The following SLC2A9 variants were observed in gnomAD, a reference collection of about 807,000 sequenced individuals.
The protein encoded by SLC2A9 is solute carrier family 2, facilitated glucose transporter member 9.
SLC2A9 carries 39 observed loss-of-function variants against 50.6 expected under a neutral mutation model. That is an observed-to-expected ratio of 0.77 (90% CI 0.60 to 1.01). The LOEUF (loss-of-function observed/expected upper bound fraction) is 1.01, where lower values mean the gene tolerates loss of function less well. Among genes scored for constraint, SLC2A9 ranks in the 50% least tolerant of loss-of-function variants. The probability of loss-of-function intolerance (pLI) is 0.00; values close to 1 mark genes in which losing one functional copy is unlikely to be tolerated. For synonymous variants in SLC2A9, 324 were observed against 276.9 expected (o/e 1.17, Z -1.69); for missense variants, 686 against 677.6 (o/e 1.01, Z -0.14).
intron 5 of SLC2A9, among the ~76,000 whole-genome samples, chr4:9,960,839 G>A (rs573138969): frequency 6.6e-6 from 1 of 152,218 alleles, no homozygotes; most frequent in South Asian, 2.1e-4. Context: ...TGGCACTAGA[G>A]GATAGAATGG....
At chr4:10,024,655 C>T (rs978565575), upstream of SLC2A9, among the ~76,000 whole-genome samples, 9 of 152,204 alleles carry the variant, frequency 5.9e-5, no homozygotes, top group Non-Finnish European at 2.9e-5. Flanking sequence ...CCACAGTGTC[C>T]TAAGCCTCTT....
In SLC2A9 at chr4:9,980,680, C is replaced by T. The variant is rs756988113; in HGVS notation, c.593G>A (p.Arg198His). 21 of 1,614,028 alleles carry T rather than the reference C, an allele frequency of 1.3e-5. No homozygotes were observed. Among genetic ancestry groups the T allele is most frequent in the East Asian group, 2.2e-5 (1 of 44,868 alleles). The change falls in exon 5 of 12, where the codon CGT becomes CAT. Residue 198 changes from arginine (R) to histidine (H), a missense_variant. Transcript: ENST00000264784. Reference sequence around the variant, plus strand: ...GGCAGTCACCTGCCCCAGAGAGCCACGGATCTCCTTGGGTGAGATCTCACT... The same window carrying T: ...GGCAGTCACCTGCCCCAGAGAGCCATGGATCTCCTTGGGTGAGATCTCACT... ...YLSEISPKEIRGSLGQVTAIF... is the reference protein window; with the variant it reads ...YLSEISPKEIHGSLGQVTAIF...
chr4:10,038,862 C>G (rs542300213), intron 1 of SLC2A9, among the ~76,000 whole-genome samples: 15 of 152,258 alleles, frequency 9.9e-5, no homozygotes, highest in African/African-American at 3.4e-4. Flanking sequence ...CTCATTCACA[C>G]AAAACAGAGA....
chr4:9,809,768 C>T (rs569974793), intron 3 of SLC2A9, among the ~76,000 whole-genome samples: 20 of 152,172 alleles, frequency 1.3e-4, no homozygotes, highest in East Asian at 5.8e-4. Context: ...GAATAAATTA[C>T]GGATATTGCT....
intron 6 of SLC2A9, among the ~76,000 whole-genome samples, chr4:9,928,992 G>A (rs1745405007): frequency 1.3e-5 from 2 of 152,192 alleles, no homozygotes; most frequent in Non-Finnish European, 2.9e-5. Context: ...CATTCCTGAT[G>A]GACGGGATTA....
rs768958041 is a variant in SLC2A9, at chr4:9,828,851, G to A, written c.1420-2251C>T. Reference sequence around the variant, plus strand: ...TCTCCCTACCAAGAGGTAACTATCTGAAGGCAGGAGTCATCATTTTTCTTG... The same window carrying A: ...TCTCCCTACCAAGAGGTAACTATCTAAAGGCAGGAGTCATCATTTTTCTTG... On this transcript the variant is annotated intron_variant, in intron 11 of 11. Coordinates refer to ENST00000264784, the MANE Select transcript of SLC2A9 (RefSeq NM_020041.3). 1.4e-4 allele frequency among the ~76,000 whole-genome samples: 22 copies of A among 152,306 alleles called. No individual in the cohort carries two copies. The East Asian group carries it at 1.9e-3, about 13-fold the overall frequency.
intron 10 of SLC2A9, among the ~76,000 whole-genome samples, chr4:9,838,660 T>C (rs1361362377): frequency 6.6e-6 from 1 of 152,208 alleles, no homozygotes; most frequent in South Asian, 2.1e-4. Flanking sequence ...AACACATATA[T>C]AGACCAATGG....
At chr4:9,842,937 G>C (rs1728321506) in intron 10 of SLC2A9, among the ~76,000 whole-genome samples, 1 of 152,088 alleles carries the variant, frequency 6.6e-6, no homozygotes, top group Non-Finnish European at 1.5e-5. Flanking sequence ...AGGTGGATAA[G>C]GGCTATGTTA....
At chr4:10,022,881 T>C (rs1763601448), upstream of SLC2A9, among the ~76,000 whole-genome samples, 1 of 151,894 alleles carries the variant, frequency 6.6e-6, no homozygotes, top group Non-Finnish European at 1.5e-5. Flanking sequence ...AGGAGTTAGG[T>C]TGGGGATGTA....
chr4:9,856,512 T>C (rs2109353322), intron 10 of SLC2A9, among the ~76,000 whole-genome samples: 1 of 152,308 alleles, frequency 6.6e-6, no homozygotes, highest in Non-Finnish European at 1.5e-5. Context: ...TATATACTGT[T>C]GGTGGGAATG....
intron 1 of SLC2A9, among the ~76,000 whole-genome samples, chr4:10,026,803 G>A (rs559705901): frequency 6.6e-5 from 10 of 152,290 alleles, no homozygotes; most frequent in African/African-American, 2.4e-4. Flanking sequence ...CAGCACGTGG[G>A]GAGGCCGAGG....
chr4:9,932,868 A>C (rs1181876331), intron 6 of SLC2A9, among the ~76,000 whole-genome samples: 1 of 152,232 alleles, frequency 6.6e-6, no homozygotes, highest in Non-Finnish European at 1.5e-5. Context: ...GTTAGATTCC[A>C]GCAGTGAGAG....
At chr4:9,792,504 G>A (rs1219864389) in intron 3 of SLC2A9, among the ~76,000 whole-genome samples, 1 of 152,016 alleles carries the variant, frequency 6.6e-6, no homozygotes, top group Admixed American at 6.6e-5. Flanking sequence ...TTCTCTGTTC[G>A]TAAAGTCAGC....
chr4:9,996,682 G>T, intron 3 of SLC2A9, 99 bp downstream of exon 3: 3 of 1,422,136 alleles, frequency 2.1e-6, no homozygotes, highest in Non-Finnish European at 2.9e-6. Flanking sequence ...CAGTTGAACT[G>T]CCTGAGTGGA....
chr4:10,001,571 C>T (rs552733546), intron 2 of SLC2A9, among the ~76,000 whole-genome samples: 2 of 152,312 alleles, frequency 1.3e-5, no homozygotes, highest in South Asian at 4.1e-4. Context: ...AATATATTGC[C>T]TAGCTTCCAA....
chr4:9,870,761 G>A (rs1240243246), intron 10 of SLC2A9, among the ~76,000 whole-genome samples: 1 of 152,202 alleles, frequency 6.6e-6, no homozygotes, highest in Non-Finnish European at 1.5e-5. Context: ...AATCCTGGCT[G>A]GGCCACCTAA....
intron 10 of SLC2A9, among the ~76,000 whole-genome samples, chr4:9,866,940 T>C (rs1041940398): frequency 1.3e-5 from 2 of 152,168 alleles, no homozygotes; most frequent in African/African-American, 2.4e-5. Context: ...GGGAAAATCA[T>C]CTTTTGTTCT....
chr4:9,940,114 AG>A (rs1470175088), intron 6 of SLC2A9, among the ~76,000 whole-genome samples: 2 of 152,204 alleles, frequency 1.3e-5, no homozygotes. Flanking sequence ...AGAGAGCCAG[AG>A]GGGGTGCGGG....
rs931246239 is a variant in SLC2A9, at chr4:9,879,081, A to T, written c.1291+8486T>A. On this transcript the variant is annotated intron_variant, in intron 10 of 11. Transcript: ENST00000264784. ...ACTGTCAGGCTGTGTGTTTGGATAC[A>T]GGTGATAGAAACAAGGTTCTTGTCT... 1.3e-5 allele frequency: 13 copies of T among 978,674 alleles called. No homozygotes were observed. In the South Asian group the frequency reaches 6.3e-4, roughly 47 times the overall value. 60.6% of individuals were successfully genotyped at this position (978,674 alleles called of 1,614,324 possible).
Sources: gnomAD v4.1 joint callset for allele counts (sites outside exome capture counted in the v4.1 genomes callset) on GRCh38, gnomAD v4.1.1 for gene constraint, MANE v1.5 for transcripts, NCBI Gene and HGNC (gene_info 2026-07-23, HGNC 2026-07-21) for gene names.